Variants in GPC5 observed in about 807,000 individuals in gnomAD.
The protein encoded by GPC5 is glypican-5.
A neutral mutation model predicts 53.9 loss-of-function variants in GPC5; 47 were observed. The observed-to-expected ratio is 0.87, with a 90% CI of 0.69 to 1.11. The LOEUF (loss-of-function observed/expected upper bound fraction) is 1.11. GPC5 is among the 50% of genes most tolerant of loss of function. The pLI is 0.00. For missense variants in GPC5, 748 were observed against 713.1 expected (o/e 1.05, Z -0.56); for synonymous variants, 286 against 263.3 (o/e 1.09, Z -0.84).
At chr13:91,957,725 C>T (rs535025023) in intron 6 of GPC5, among the ~76,000 whole-genome samples, 1 of 152,126 alleles carries the variant, frequency 6.6e-6, no homozygotes, top group Admixed American at 6.5e-5. Context: ...GAAACAAAGT[C>T]TTCCCCAGAC....
intron 7 of GPC5, among the ~76,000 whole-genome samples, chr13:92,786,642 A>G (rs1351422711): frequency 9.2e-5 from 14 of 152,186 alleles, no homozygotes. Context: ...CTTCCCCATC[A>G]ACCCTAAACA....
At chr13:92,368,216 C>T (rs2043621211) in intron 7 of GPC5, among the ~76,000 whole-genome samples, 1 of 151,734 alleles carries the variant, frequency 6.6e-6, no homozygotes, top group South Asian at 2.1e-4. Context: ...AACTCCTGAC[C>T]TCAAGTGATC....
In GPC5 at chr13:91,557,783, A is replaced by G. The variant is rs558079923; in HGVS notation, c.325+108861A>G. Among the ~76,000 whole-genome samples the G allele has an allele frequency of 9.9e-5, 15 of 152,244 alleles. No individual in the cohort carries two copies. The South Asian group carries it at 1.4e-3, about 15-fold the overall frequency. On this transcript the variant is annotated intron_variant, in intron 2 of 7. Transcript: ENST00000377067. Reference sequence around the variant, plus strand: ...CATTGCAAGAAAAAGATGTTCTCAGATGGCAAACATAATGTGCAAAGAGGC... The same window carrying G: ...CATTGCAAGAAAAAGATGTTCTCAGGTGGCAAACATAATGTGCAAAGAGGC...
chr13:91,938,545 C>G (rs924063481), intron 6 of GPC5, among the ~76,000 whole-genome samples: 11 of 152,114 alleles, frequency 7.2e-5, no homozygotes, highest in African/African-American at 2.7e-4. Context: ...GAACTAAGAG[C>G]TCTAGTGATG....
chr13:92,393,719 G>T (rs900264040), intron 7 of GPC5, among the ~76,000 whole-genome samples: 25 of 152,088 alleles, frequency 1.6e-4, no homozygotes, highest in African/African-American at 6.0e-4. Context: ...TGATGAGGGA[G>T]AGTGGAAGGA....
In GPC5 at chr13:92,428,783, A is replaced by G. The variant is rs888892328; in HGVS notation, c.1561+283794A>G. On this transcript the variant is annotated intron_variant, in intron 7 of 7. Coordinates refer to ENST00000377067, the MANE Select transcript of GPC5 (RefSeq NM_004466.6). ...ATTTAAGAATGCTTCTGTAGAGCCA[A>G]CCATTACTAATCAATCGTACTGATT... is the stretch of plus-strand genomic sequence containing the variant. 5.3e-5 allele frequency among the ~76,000 whole-genome samples: 8 copies of G among 152,200 alleles called. No individual in the cohort carries two copies. In the East Asian group the frequency reaches 5.8e-4, roughly 11 times the overall value.
At chr13:91,721,215 G>T (rs1367758529) in intron 3 of GPC5, among the ~76,000 whole-genome samples, 3 of 151,738 alleles carry the variant, frequency 2.0e-5, no homozygotes, top group Non-Finnish European at 4.4e-5. Flanking sequence ...GCTCACTGCA[G>T]CTTCCACCTT....
chr13:92,327,439 A>C (rs547079223), intron 7 of GPC5, among the ~76,000 whole-genome samples: 2 of 152,302 alleles, frequency 1.3e-5, no homozygotes, highest in South Asian at 4.1e-4. Flanking sequence ...TCTCTTAGAT[A>C]TTTTGAAAGG....
chr13:91,641,531 T>C (rs978369090), intron 2 of GPC5, among the ~76,000 whole-genome samples: 1 of 152,194 alleles, frequency 6.6e-6, no homozygotes, highest in East Asian at 1.9e-4. Context: ...ACCTACATGA[T>C]GGGCTGACAG....
At chr13:92,331,842 T>C (rs2043290232) in intron 7 of GPC5, among the ~76,000 whole-genome samples, 2 of 152,094 alleles carry the variant, frequency 1.3e-5, no homozygotes, top group Non-Finnish European at 2.9e-5. Context: ...GAGATGAGTA[T>C]TTTACATGCT....
chr13:91,978,429 C>T (rs368316843), intron 6 of GPC5, among the ~76,000 whole-genome samples: 53 of 152,244 alleles, frequency 3.5e-4, no homozygotes, highest in African/African-American at 9.6e-4. Context: ...CAACCACTGG[C>T]GACAAATATA....
At chr13:92,168,354 A>G (rs189821536) in intron 7 of GPC5, among the ~76,000 whole-genome samples, 4 of 152,340 alleles carry the variant, frequency 2.6e-5, no homozygotes, top group East Asian at 1.9e-4. Context: ...TAGTTAAACT[A>G]TAGAGCTTCC....
chr13:91,728,426 A>G, intron 3 of GPC5, 106 bp from the exon 4 acceptor site: 2 of 943,898 alleles, frequency 2.1e-6, no homozygotes, highest in Non-Finnish European at 3.1e-6. Context: ...ATTAATATTG[A>G]GGTGAAAGCA....
intron 7 of GPC5, among the ~76,000 whole-genome samples, chr13:92,784,348 AAAGTTTAT>A (rs1566417047): frequency 6.6e-6 from 1 of 152,182 alleles, no homozygotes; most frequent in Non-Finnish European, 1.5e-5. Flanking sequence ...TGATTTGAAT[AAAGTTTAT>A]AAAAGAGTTT....
chr13:92,137,725 A>G (rs1331272825), intron 6 of GPC5, among the ~76,000 whole-genome samples: 1 of 152,138 alleles, frequency 6.6e-6, no homozygotes, highest in East Asian at 1.9e-4. Context: ...TCCTGGGCTT[A>G]AGCAATCCTC....
At chr13:91,675,910 C>G (rs530620623) in intron 2 of GPC5, among the ~76,000 whole-genome samples, 1 of 152,258 alleles carries the variant, frequency 6.6e-6, no homozygotes, top group Admixed American at 6.5e-5. Flanking sequence ...GAATATCTCA[C>G]TCCAGGGTGG....
intron 5 of GPC5, among the ~76,000 whole-genome samples, chr13:91,869,714 A>T (rs1489284517): frequency 6.6e-6 from 1 of 152,176 alleles, no homozygotes; most frequent in Non-Finnish European, 1.5e-5. Flanking sequence ...TAAAGAAAAG[A>T]GGTTTAATTG....
chr13:91,497,745 TA>T (rs1884357737), intron 2 of GPC5, among the ~76,000 whole-genome samples: 1 of 152,220 alleles, frequency 6.6e-6, no homozygotes, highest in African/African-American at 2.4e-5. Flanking sequence ...TGAGGATTTA[TA>T]AAGAGCTAAA....
chr13:92,221,778 C>T (rs946422434), intron 7 of GPC5, among the ~76,000 whole-genome samples: 1 of 152,100 alleles, frequency 6.6e-6, no homozygotes, highest in African/African-American at 2.4e-5. Flanking sequence ...TCACTAGAAT[C>T]CAGCTCTCAG....
Sources: gnomAD v4.1 joint callset for allele counts (sites outside exome capture counted in the v4.1 genomes callset) on GRCh38, gnomAD v4.1.1 for gene constraint, MANE v1.5 for transcripts, NCBI Gene and HGNC (gene_info 2026-07-23, HGNC 2026-07-21) for gene names.